The following SLC24A2 variants were observed in gnomAD, a reference collection of about 807,000 sequenced individuals.
SLC24A2 encodes the protein sodium/potassium/calcium exchanger 2.
SLC24A2 carries 36 observed loss-of-function variants against 62.0 expected under a neutral mutation model. The observed-to-expected ratio is 0.58, with a 90% confidence interval of 0.44 to 0.77. The LOEUF is 0.77. Among genes scored for constraint, SLC24A2 ranks in the 30% least tolerant of loss-of-function variants. The probability of loss-of-function intolerance (pLI) is 0.00; values close to 1 mark genes in which losing one functional copy is unlikely to be tolerated. For missense variants in SLC24A2, 846 were observed against 817.9 expected, an observed-to-expected ratio of 1.03 and a Z score of -0.42; for synonymous variants, 358 against 294.0, an observed-to-expected ratio of 1.22 and a Z score of -2.23.
chr9:19,573,311 A>G, intron 7 of SLC24A2, 40 bp downstream of exon 7: 1 of 1,352,750 alleles, frequency 7.4e-7, no homozygotes, highest in Non-Finnish European at 1.1e-6. Context: ...GATATCAGTT[A>G]AGAACAACAG....
chr9:19,979,109 A>T, the SLC24A2 span, among the ~76,000 whole-genome samples: 14 of 152,210 alleles, frequency 9.2e-5, no homozygotes, highest in African/African-American at 3.1e-4. Context: ...CAAGTAATGA[A>T]GACATCTCTT....
the SLC24A2 span, among the ~76,000 whole-genome samples, chr9:20,097,894 C>CTACAGGCGTAAAAAATT: frequency 1.3e-5 from 2 of 151,612 alleles, no homozygotes; most frequent in Admixed American, 1.3e-4. Flanking sequence ...AGGCGCTCGA[C>CTACAGGCGTAAAAAATT]ACCACGCCGG....
intron 2 of SLC24A2, among the ~76,000 whole-genome samples, chr9:19,643,998 T>C (rs924428585): frequency 6.6e-6 from 1 of 152,248 alleles, no homozygotes; most frequent in Non-Finnish European, 1.5e-5. Context: ...TTGATGAAAT[T>C]GGGCACTTGA....
the SLC24A2 span, among the ~76,000 whole-genome samples, chr9:20,207,924 A>G: frequency 6.6e-6 from 1 of 152,256 alleles, no homozygotes; most frequent in African/African-American, 2.4e-5. Flanking sequence ...TAATAATTAA[A>G]GAGGAGAAGC....
chr9:19,828,033 C>T, the SLC24A2 span, among the ~76,000 whole-genome samples: 4 of 152,150 alleles, frequency 2.6e-5, no homozygotes, highest in Non-Finnish European at 4.4e-5. Context: ...TTTTAACAAC[C>T]CAGCCTGGTT....
Position 19,599,616 on chromosome 9 carries a change from T to G in SLC24A2, c.1079-2337A>C, listed in dbSNP as rs180977036. Among the ~76,000 whole-genome samples the G allele has an allele frequency of 1.3e-5, 2 of 152,264 alleles. No individual in the cohort carries two copies. Among genetic ancestry groups the G allele is most frequent in the African/African-American group, 4.8e-5 (2 of 41,560 alleles). The stretch of plus-strand genomic sequence containing the variant: ...GATGGTGAACTCAGCAGCAGCATCC[T>G]AAGGAGGATTGGGCAGCATCTCCAG... On this transcript the variant is annotated intron_variant, in intron 4 of 10. Transcript: ENST00000341998. This position sits in a 1 kb window ranked among gnomAD's most constrained non-coding sequence, Gnocchi z 4.5.
chr9:19,740,828 T>A (rs1821652420), intron 2 of SLC24A2, among the ~76,000 whole-genome samples: 1 of 151,708 alleles, frequency 6.6e-6, no homozygotes, highest in South Asian at 2.1e-4. Flanking sequence ...TCACTATTCT[T>A]TCCATTTTGT....
the SLC24A2 span, among the ~76,000 whole-genome samples, chr9:19,885,018 G>A: frequency 6.6e-6 from 1 of 152,180 alleles, no homozygotes; most frequent in Non-Finnish European, 1.5e-5. Context: ...CATACAGGAG[G>A]ACTAGAATTT....
At chr9:20,066,201 T>G in the SLC24A2 span, among the ~76,000 whole-genome samples, 2 of 152,178 alleles carry the variant, frequency 1.3e-5, no homozygotes, top group Admixed American at 6.5e-5. Context: ...ATGTTCCAGT[T>G]GATTCAACAA....
chr9:19,630,742 T>C (rs754755853), intron 2 of SLC24A2, among the ~76,000 whole-genome samples: 1 of 152,188 alleles, frequency 6.6e-6, no homozygotes, highest in African/African-American at 2.4e-5. Context: ...AAAAACATCA[T>C]ATAAACCCAA....
At chr9:19,636,390 C>CT (rs1818352974) in intron 2 of SLC24A2, among the ~76,000 whole-genome samples, 1 of 67,018 alleles carries the variant, frequency 1.5e-5, no homozygotes, top group Non-Finnish European at 2.7e-5. Flanking sequence ...TTTCTTTCTC[C>CT]CTCTCTCTCT....
chr9:20,139,772 T>G, the SLC24A2 span, among the ~76,000 whole-genome samples: 2 of 152,184 alleles, frequency 1.3e-5, no homozygotes. Flanking sequence ...ACACTAAGAC[T>G]GGAGAAACAA....
intron 2 of SLC24A2, among the ~76,000 whole-genome samples, chr9:19,670,640 T>C (rs1347646771): frequency 2.0e-5 from 3 of 152,182 alleles, no homozygotes; most frequent in Non-Finnish European, 4.4e-5. Context: ...ATATAGCAAA[T>C]AAATGTAGTC....
At chr9:19,648,675 C>G (rs541320596) in intron 2 of SLC24A2, among the ~76,000 whole-genome samples, 2 of 151,996 alleles carry the variant, frequency 1.3e-5, no homozygotes, top group African/African-American at 4.8e-5. Flanking sequence ...CAGGAGGAAC[C>G]GAGGTAAACA....
chr9:19,869,432 T>A, the SLC24A2 span, among the ~76,000 whole-genome samples: 1 of 152,228 alleles, frequency 6.6e-6, no homozygotes, highest in Non-Finnish European at 1.5e-5. Context: ...AGATTTTTTC[T>A]TTGTCCTCCA....
At chr9:20,247,531 A>G in the SLC24A2 span, among the ~76,000 whole-genome samples, 21 of 152,216 alleles carry the variant, frequency 1.4e-4, no homozygotes, top group Non-Finnish European at 2.5e-4. Flanking sequence ...CGCTTCCAAC[A>G]TGTAAGATTA....
chr9:19,720,731 G>T (rs1821001049), intron 2 of SLC24A2, among the ~76,000 whole-genome samples: 1 of 147,090 alleles, frequency 6.8e-6, no homozygotes, highest in East Asian at 2.0e-4. Flanking sequence ...GGCTCAAGAG[G>T]ATTCAATGTA....
At chr9:20,235,354 T>C in the SLC24A2 span, among the ~76,000 whole-genome samples, 1 of 152,264 alleles carries the variant, frequency 6.6e-6, no homozygotes, top group South Asian at 2.1e-4. Context: ...CAGGCCTCCT[T>C]GAGCTGTGGT....
the SLC24A2 span, among the ~76,000 whole-genome samples, chr9:20,096,091 CCG>C: frequency 8.0e-6 from 1 of 124,942 alleles, no homozygotes; most frequent in East Asian, 2.3e-4. Flanking sequence ...ATCCATCCGT[CCG>C]TCCGTCCGTC....
Sources: allele counts gnomAD v4.1 joint callset (sites outside exome capture counted in the v4.1 genomes callset), GRCh38; gene constraint gnomAD v4.1.1; non-coding constraint Gnocchi (gnomAD v3.1); transcripts MANE v1.5; gene names NCBI Gene and HGNC (gene_info 2026-07-23, HGNC 2026-07-21).